Variants in WWOX observed in about 807,000 individuals in gnomAD.
WWOX encodes WW domain-containing oxidoreductase.
WWOX carries 69 observed loss-of-function variants against 46.2 expected under a neutral mutation model. The observed-to-expected ratio is 1.49, with a 90% CI of 1.23 to 1.82. The LOEUF is 1.82. Among genes scored for constraint, WWOX ranks in the 40% most tolerant of loss-of-function variants. The probability of loss-of-function intolerance (pLI) is 0.00; values close to 1 mark genes in which losing one functional copy is unlikely to be tolerated. For synonymous variants in WWOX, 359 were observed against 202.6 expected (o/e 1.77, Z -6.56); for missense variants, 919 against 542.6 (o/e 1.69, Z -6.89).
chr16:78,203,832 C>T (rs982988524), intron 5 of WWOX, among the ~76,000 whole-genome samples: 2 of 152,196 alleles, frequency 1.3e-5, no homozygotes, highest in Admixed American at 6.5e-5. Flanking sequence ...TACTCTCCTC[C>T]CTTTCTCATA....
chr16:78,673,696 G>A (rs1462825005), intron 8 of WWOX, among the ~76,000 whole-genome samples: 1 of 152,198 alleles, frequency 6.6e-6, no homozygotes, highest in Non-Finnish European at 1.5e-5. Context: ...TGCCAAACAA[G>A]TCAAGAGACT....
At chr16:79,022,459 C>T (rs915940964) in intron 8 of WWOX, among the ~76,000 whole-genome samples, 3 of 150,986 alleles carry the variant, frequency 2.0e-5, no homozygotes, top group African/African-American at 4.9e-5. Flanking sequence ...TACATTTTGT[C>T]TCTGTGCCCT....
intron 8 of WWOX, among the ~76,000 whole-genome samples, chr16:78,675,357 G>T (rs142053721): frequency 1.3e-5 from 2 of 152,070 alleles, no homozygotes; most frequent in Non-Finnish European, 2.9e-5. Context: ...TGTTCATATC[G>T]TTCATCTACA....
At chr16:79,042,929 G>A (rs755799569) in intron 8 of WWOX, among the ~76,000 whole-genome samples, 5 of 152,136 alleles carry the variant, frequency 3.3e-5, no homozygotes, top group Non-Finnish European at 2.9e-5. Flanking sequence ...ATTTCATGAT[G>A]AGCAAATGCC....
intron 4 of WWOX, among the ~76,000 whole-genome samples, chr16:78,140,326 C>A (rs776314118): frequency 2.0e-5 from 3 of 152,086 alleles, no homozygotes; most frequent in Non-Finnish European, 4.4e-5. Flanking sequence ...ATAAATGAGT[C>A]CCAGTTTGAT....
At chr16:78,168,162 C>T (rs1034969565) in intron 5 of WWOX, 2 of 152,216 alleles carry the variant, frequency 1.3e-5, no homozygotes, top group African/African-American at 4.8e-5. Flanking sequence ...TGTGCCAAGG[C>T]TCCGTGGGCA....
chr16:78,318,223 A>AT lies in WWOX; in HGVS notation c.517-68637_517-68636insT, dbSNP rs372781407. On this transcript the variant is annotated intron_variant, in intron 5 of 8. Transcript: ENST00000566780. ...GGACCATAATTAAATGGCTGTGGAA[A>AT]CCCAGAAGCAGCCTACAGAAACTCT... 7.0e-4 allele frequency among the ~76,000 whole-genome samples: 106 copies of AT among 151,332 alleles called. 1 individual carries two copies. Among genetic ancestry groups the AT allele is most frequent in the African/African-American group, 2.3e-3 (94 of 41,180 alleles).
intron 5 of WWOX, among the ~76,000 whole-genome samples, chr16:78,317,726 C>G (rs1045455949): frequency 1.2e-4 from 19 of 152,094 alleles, no homozygotes; most frequent in Admixed American, 1.1e-3. Flanking sequence ...GTGTGCCTCC[C>G]CATGGGCCCC....
At chr16:78,911,038 T>G (rs1477475220) in intron 8 of WWOX, among the ~76,000 whole-genome samples, 2 of 152,024 alleles carry the variant, frequency 1.3e-5, no homozygotes, top group Non-Finnish European at 1.5e-5. Context: ...AAAATGGCTT[T>G]CCCACAGCCT....
intron 5 of WWOX, among the ~76,000 whole-genome samples, chr16:78,375,548 T>C (rs569893241): frequency 1.3e-5 from 2 of 152,362 alleles, no homozygotes; most frequent in African/African-American, 4.8e-5. Context: ...TAATTTACGA[T>C]AAATGTCAGT....
At chr16:78,318,960 T>G (rs1409005241) in intron 5 of WWOX, among the ~76,000 whole-genome samples, 2 of 152,154 alleles carry the variant, frequency 1.3e-5, no homozygotes, top group East Asian at 3.9e-4. Context: ...GGATATGCTT[T>G]GTTACATGGA....
intron 4 of WWOX, among the ~76,000 whole-genome samples, chr16:78,119,478 G>A (rs1290919784): frequency 6.6e-6 from 1 of 152,174 alleles, no homozygotes; most frequent in Admixed American, 6.5e-5. Flanking sequence ...GGATTAGTTG[G>A]ATGCCTAAAT....
chr16:78,820,402 T>C (rs377268855), intron 8 of WWOX, among the ~76,000 whole-genome samples: 1 of 152,198 alleles, frequency 6.6e-6, no homozygotes, highest in East Asian at 1.9e-4. Context: ...GGAGTATTGT[T>C]TGGAGACATC....
rs1318285976 is a variant in WWOX at position 79,163,807 on chromosome 16, AAAAAAAAAAAG to A, written c.1057-47799_1057-47789del. Among the ~76,000 whole-genome samples, 15 of 150,240 alleles carry A rather than the reference AAAAAAAAAAAG, an allele frequency of 1.0e-4. No individual in the cohort carries two copies. In the South Asian group the frequency reaches 1.3e-3, roughly 13 times the overall value. ...CAAAACTCCACCTCAAAAAAAAAAA[AAAAAAAAAAAG>A]AGAGAGAGAATAAGGTCAGAGGGGG... On this transcript the variant is annotated intron_variant, in intron 8 of 8. Transcript: ENST00000566780.
chr16:78,384,277 C>A (rs936739026), intron 5 of WWOX, among the ~76,000 whole-genome samples: 1 of 152,116 alleles, frequency 6.6e-6, no homozygotes, highest in Admixed American at 6.6e-5. Flanking sequence ...CTGCACGTGG[C>A]AGTGAGTGTC....
At chr16:78,686,652 C>T (rs530582260) in intron 8 of WWOX, among the ~76,000 whole-genome samples, 8 of 152,090 alleles carry the variant, frequency 5.3e-5, no homozygotes, top group Admixed American at 1.3e-4. Context: ...TTTCGGAAGT[C>T]CTCCAGTTTG....
chr16:78,413,033 C>A (rs139152716), intron 6 of WWOX, among the ~76,000 whole-genome samples: 232 of 152,222 alleles, frequency 1.5e-3, no homozygotes, highest in African/African-American at 5.1e-3. Flanking sequence ...CAAGAATGAG[C>A]CAGTGGAGAG....
At chr16:78,788,091 G>C (rs1227027523) in intron 8 of WWOX, among the ~76,000 whole-genome samples, 1 of 152,012 alleles carries the variant, frequency 6.6e-6, no homozygotes, top group African/African-American at 2.4e-5. Flanking sequence ...TCAATCTATG[G>C]GTAGGCTTTT....
intron 5 of WWOX, among the ~76,000 whole-genome samples, chr16:78,173,959 G>GAA (rs79111722): frequency 0.074 from 10,101 of 135,610 alleles, 701 homozygotes; most frequent in East Asian, 0.27. Flanking sequence ...GAGAGGAATT[G>GAA]AGAGAGAGAG....
Sources: allele counts gnomAD v4.1 joint callset (sites outside exome capture counted in the v4.1 genomes callset), GRCh38; gene constraint gnomAD v4.1.1; transcripts MANE v1.5; gene names NCBI Gene and HGNC (gene_info 2026-07-23, HGNC 2026-07-21).